The following BRSK1 variants were observed in gnomAD, a reference collection of about 807,000 sequenced individuals.
BRSK1 encodes the protein serine/threonine-protein kinase BRSK1.
BRSK1 carries 17 observed loss-of-function variants against 86.2 expected under a neutral mutation model. The ratio of observed to expected loss-of-function variants is 0.20; its 90% confidence interval spans 0.14 to 0.30. The LOEUF (loss-of-function observed/expected upper bound fraction) is 0.30, where lower values mean the gene tolerates loss of function less well. Among genes scored for constraint, BRSK1 ranks in the 10% least tolerant of loss-of-function variants. The pLI is 1.00. For missense variants in BRSK1, 719 were observed against 1,071.9 expected (o/e 0.67, Z 4.60); for synonymous variants, 464 against 440.1 (o/e 1.05, Z -0.68).
At chr19:55,289,451 C>G (rs772832164) in intron 3 of BRSK1, 29 bp from the exon 4 acceptor site, 8 of 1,598,684 alleles carry the variant, frequency 5.0e-6, no homozygotes, top group Non-Finnish European at 6.0e-6. Flanking sequence ...ATGCCCCTTC[C>G]AGCCCTCTGC....
In BRSK1 at chr19:55,294,273, GA is replaced by G; in HGVS notation, c.609+27del. 1.2e-6 allele frequency: 2 copies of G among 1,614,174 alleles called. No individual in the cohort carries two copies. Among genetic ancestry groups the G allele is most frequent in the Non-Finnish European group, 1.7e-6 (2 of 1,180,038 alleles). ...GTGAGTGAGGGGCGGATAGAGGGGA[GA>G]GGGGTGGAGGCAGCAGTGAGGAGCG... is the stretch of plus-strand genomic sequence containing the variant. On this transcript the variant is annotated intron_variant, in intron 6 of 18. Coordinates refer to ENST00000309383, the MANE Select transcript of BRSK1 (RefSeq NM_032430.2). The surrounding 1 kb of genome is among the most constrained non-coding windows in gnomAD (Gnocchi z 4.9).
At chr19:55,284,626 TGGC>T in intron 1 of BRSK1, 48 bp downstream of exon 1, 1 of 1,224,700 alleles carries the variant, frequency 8.2e-7, no homozygotes, top group East Asian at 3.5e-5. Context: ...AGGGTGGAGG[TGGC>T]GGCAGAGGCG....
rs113639662 is a variant in BRSK1, at chr19:55,302,528, C to A, written c.858-169C>A. 6.8e-4 allele frequency: 579 copies of A among 851,430 alleles called. 2 individuals carry two copies. The African/African-American group carries it at 8.9e-3, about 13-fold the overall frequency. 52.7% of individuals were successfully genotyped at this position (851,430 alleles called of 1,614,324 possible). ...GGAAAAGGGGCTGGAGGTCTGGACT[C>A]CTGGGTCTGAGATGGGGGGCGAGGT... On this transcript the variant is annotated intron_variant, in intron 9 of 18. Coordinates refer to ENST00000309383, the MANE Select transcript of BRSK1 (RefSeq NM_032430.2). This position sits in a 1 kb window ranked among gnomAD's most constrained non-coding sequence, Gnocchi z 6.3.
Position 55,311,975 on chromosome 19 carries a change from C to A in BRSK1, c.2244C>A (p.Pro748=). ...GAPPRSLQPP[P]GRPDPELSSS... ...CACCCCGAAGCCTGCAGCCCCCACC[C>A]GGCCGCCCAGACCCAGAGCTGAGCA... Residue 748 remains proline (P), a synonymous_variant, in exon 19 of 19, where the codon CCC becomes CCA. Coordinates refer to ENST00000309383, the MANE Select transcript of BRSK1 (RefSeq NM_032430.2). 1 of 1,591,640 alleles carries A rather than the reference C, an allele frequency of 6.3e-7. No individual in the cohort carries two copies.
Position 55,284,491 on chromosome 19 carries a change from C to CAA in BRSK1, c.49_50insAA (p.Leu17GlnfsTer50). On this transcript the variant is annotated frameshift_variant, in exon 1 of 19. Transcript: ENST00000309383. LOFTEE classifies it high-confidence loss of function. ...AGGTGGGGGCTCTCCCGCCTACCACCTCCCCCACCCCCACCCCCACCCACC... is the reference window on the plus strand; with the variant it reads ...AGGTGGGGGCTCTCCCGCCTACCACCAATCCCCCACCCCCACCCCCACCCACC... The CAA allele has an allele frequency of 1.2e-5, 14 of 1,138,114 alleles. No individual in the cohort carries two copies. Among genetic ancestry groups the CAA allele is most frequent in the Middle Eastern group, 3.3e-4 (1 of 3,038 alleles). 70.5% of individuals were successfully genotyped at this position (1,138,114 alleles called of 1,614,324 possible).
chr19:55,289,682 G>T, intron 4 of BRSK1, 62 bp downstream of exon 4: 2 of 1,581,406 alleles, frequency 1.3e-6, no homozygotes, highest in South Asian at 2.3e-5. Flanking sequence ...GGCCCTTGGG[G>T]GCATGTGGAG....
At chr19:55,285,226 T>G (rs1184633733) in intron 1 of BRSK1, among the ~76,000 whole-genome samples, 13 of 103,750 alleles carry the variant, frequency 1.3e-4, no homozygotes, top group African/African-American at 1.9e-4. Flanking sequence ...GGGGCAGGGG[T>G]GCTGAACTCC....
intron 17 of BRSK1, among the ~76,000 whole-genome samples, chr19:55,308,328 A>G (rs974415905): frequency 6.6e-6 from 1 of 152,126 alleles, no homozygotes; most frequent in Non-Finnish European, 1.5e-5. Flanking sequence ...CCTGGCTCCA[A>G]CTTATTTTTC....
intron 7 of BRSK1, among the ~76,000 whole-genome samples, chr19:55,295,732 C>T (rs2088476932): frequency 6.6e-6 from 1 of 152,132 alleles, no homozygotes; most frequent in Non-Finnish European, 1.5e-5. Context: ...CTTCAGGAGG[C>T]CGAGCGGAGG....
At position 55,304,379 on chromosome 19, in the gene BRSK1, A is replaced by G. The variant is rs1568987371; in HGVS notation, c.1348-172A>G. Among the ~76,000 whole-genome samples the G allele has an allele frequency of 6.6e-6, 1 of 152,174 alleles. No individual in the cohort carries two copies. Among genetic ancestry groups the G allele is most frequent in the Non-Finnish European group, 1.5e-5 (1 of 68,024 alleles). ...ACCGGCTGGGTTTTCAGCCCACAGC[A>G]TGATAGAAAGTCTTTGCTATCCTTG... On this transcript the variant is annotated intron_variant, in intron 13 of 18. Coordinates refer to ENST00000309383, the MANE Select transcript of BRSK1 (RefSeq NM_032430.2). The surrounding 1 kb of genome is among the most constrained non-coding windows in gnomAD (Gnocchi z 5.2).
chr19:55,304,757 C>T lies in BRSK1; in HGVS notation c.1554C>T (p.His518=). 2 of 1,541,532 alleles carry T rather than the reference C, an allele frequency of 1.3e-6. No individual in the cohort carries two copies. Among genetic ancestry groups the T allele is most frequent in the Non-Finnish European group, 1.7e-6 (2 of 1,148,390 alleles). Residue 518 remains histidine (H), a synonymous_variant, in exon 14 of 19, where the codon CAC becomes CAT. Coordinates refer to ENST00000309383, the MANE Select transcript of BRSK1 (RefSeq NM_032430.2). The surrounding 1 kb of genome is among the most constrained non-coding windows in gnomAD (Gnocchi z 5.2). ...SPRSSGGTPL[H]SPLHTPRASP... Reference sequence around the variant, plus strand: ...GCTCCTCTGGCGGGACCCCCTTGCACTCGCCTCTGCACACGCCCCGGGCCA... The same window carrying T: ...GCTCCTCTGGCGGGACCCCCTTGCATTCGCCTCTGCACACGCCCCGGGCCA...
chr19:55,309,657 C>T (rs909365629), intron 18 of BRSK1, among the ~76,000 whole-genome samples: 1 of 152,216 alleles, frequency 6.6e-6, no homozygotes, highest in Non-Finnish European at 1.5e-5. Flanking sequence ...ACCCTCATGA[C>T]CTCATCACCT....
At chr19:55,305,946 A>C (rs991769917) in intron 16 of BRSK1, among the ~76,000 whole-genome samples, 3 of 152,194 alleles carry the variant, frequency 2.0e-5, no homozygotes, top group Admixed American at 6.5e-5. Flanking sequence ...TCTGTGACAG[A>C]TATGGCTATG....
At chr19:55,307,744 TTA>T (rs1355697487) in intron 17 of BRSK1, among the ~76,000 whole-genome samples, 12 of 49,354 alleles carry the variant, frequency 2.4e-4, no homozygotes, top group Non-Finnish European at 3.2e-4. Context: ...ACAAAAAAAT[TTA>T]TACACACACA....
chr19:55,285,004 G>A (rs1216082024), intron 1 of BRSK1, among the ~76,000 whole-genome samples: 3 of 151,126 alleles, frequency 2.0e-5, no homozygotes, highest in African/African-American at 7.3e-5. Context: ...GGGCTTGGGG[G>A]CCTGGACTCC....
rs1568990270 is a variant in BRSK1, at chr19:55,308,752, T to TGGGGGGCGTGGGTGGC, written c.2179+30_2179+45dup. 138 of 320,500 alleles carry TGGGGGGCGTGGGTGGC rather than the reference T, an allele frequency of 4.3e-4. 10 individuals are homozygous for TGGGGGGCGTGGGTGGC. In the African/African-American group the frequency reaches 6.0e-3, roughly 14 times the overall value. The allele number at this position is 320,500 out of a possible 1,614,324, so 19.9% of individuals were successfully genotyped here. On this transcript the variant is annotated intron_variant, in intron 18 of 18. Transcript: ENST00000309383. Reference sequence around the variant, plus strand: ...AGGTGGGTGGTGGGGCCGTGGGTGGTGGGGGGCGTGGGTGGCGGGGGCCGT... The same window carrying TGGGGGGCGTGGGTGGC: ...AGGTGGGTGGTGGGGCCGTGGGTGGTGGGGGGCGTGGGTGGCGGGGGGCGTGGGTGGCGGGGGCCGT...
chr19:55,300,737 G>T (rs1600184011), intron 7 of BRSK1, among the ~76,000 whole-genome samples: 1 of 152,336 alleles, frequency 6.6e-6, no homozygotes, highest in African/African-American at 2.4e-5. Flanking sequence ...TACTCGGGAG[G>T]TTGAGGCAGG....
chr19:55,306,990 G>A lies in BRSK1; in HGVS notation c.2089+540G>A, dbSNP rs562038671. Among the ~76,000 whole-genome samples the A allele has an allele frequency of 2.6e-5, 4 of 152,232 alleles. No individual in the cohort carries two copies. The highest frequency in any genetic ancestry group is 9.6e-5 in the African/African-American group (4 of 41,458). ...AGCTCAGTGGCAGCCTCAGGAACTT[G>A]AACTCCAGGCAGCCATGACCAGTCG... On this transcript the variant is annotated intron_variant, in intron 17 of 18. Coordinates refer to ENST00000309383, the MANE Select transcript of BRSK1 (RefSeq NM_032430.2). The surrounding 1 kb of genome is among the most constrained non-coding windows in gnomAD (Gnocchi z 4.7).
chr19:55,304,432 G>T lies in BRSK1; in HGVS notation c.1348-119G>T. On this transcript the variant is annotated intron_variant, in intron 13 of 18. Transcript: ENST00000309383. This position sits in a 1 kb window ranked among gnomAD's most constrained non-coding sequence, Gnocchi z 5.2. ...CTGGGGCCTGGGAAGGAGGATACTT[G>T]GACTACAAGTTGCAGCATGCACCGG... 8.2e-7 allele frequency: 1 copy of T among 1,222,046 alleles called. No homozygotes were observed. The highest frequency in any genetic ancestry group is 1.1e-6 in the Non-Finnish European group (1 of 904,058). The allele number at this position is 1,222,046 out of a possible 1,614,324, so 75.7% of individuals were successfully genotyped here. A position where few individuals can be genotyped will look rare whatever the true frequency, so the allele number is the denominator to read the frequency against.
Sources: gnomAD v4.1 joint callset for allele counts (sites outside exome capture counted in the v4.1 genomes callset) on GRCh38, gnomAD v4.1.1 for gene constraint, Gnocchi (gnomAD v3.1) non-coding constraint, MANE v1.5 for transcripts, NCBI Gene and HGNC (gene_info 2026-07-23, HGNC 2026-07-21) for gene names.